MLLT10: variants seen among roughly 807,000 people sequenced by gnomAD.
MLLT10 encodes protein AF-10.
In MLLT10, 30 loss-of-function variants were observed where a neutral mutation model predicts 129.1. The ratio of observed to expected loss-of-function variants is 0.23; its 90% CI spans 0.17 to 0.32. MLLT10 has a LOEUF of 0.32. MLLT10 is among the 10% of genes least tolerant of loss of function. The pLI is 1.00. For missense variants in MLLT10, 1,119 were observed against 1,268.3 expected, an observed-to-expected ratio of 0.88 and a Z score of 1.79; for synonymous variants, 490 against 446.4, an observed-to-expected ratio of 1.10 and a Z score of -1.23.
intron 3 of MLLT10, chr10:21,557,747 C>CATG (rs1457511547): frequency 6.6e-6 from 1 of 151,988 alleles, no homozygotes; most frequent in African/African-American, 2.4e-5. Flanking sequence ...GGATCATGTG[C>CATG]CCATCATCTC....
intron 13 of MLLT10, among the ~76,000 whole-genome samples, chr10:21,704,357 C>CTCTCTA (rs1343170893): frequency 5.9e-4 from 66 of 111,862 alleles, no homozygotes; most frequent in African/African-American, 1.6e-3. Flanking sequence ...CTCTCTCTCT[C>CTCTCTA]TATATATATA....
At chr10:21,608,710 C>A (rs2044303144) in intron 5 of MLLT10, among the ~76,000 whole-genome samples, 1 of 151,920 alleles carries the variant, frequency 6.6e-6, no homozygotes, top group Admixed American at 6.6e-5. Flanking sequence ...AAGGAAAAAA[C>A]CGTCCGTTAG....
chr10:21,666,037 C>T (rs900437158), intron 9 of MLLT10, among the ~76,000 whole-genome samples: 12 of 152,272 alleles, frequency 7.9e-5, no homozygotes, highest in Middle Eastern at 3.4e-3. Context: ...TTTGCTAATC[C>T]TTTTCTTTTT....
chr10:21,717,749 T>TTCCTCCTCCTCC (rs1173240690), intron 14 of MLLT10, among the ~76,000 whole-genome samples: 7 of 75,752 alleles, frequency 9.2e-5, no homozygotes, highest in Non-Finnish European at 1.6e-4. Context: ...CCTCCTCCTC[T>TTCCTCCTCCTCC]TCCTCCTCCT....
chr10:21,621,725 G>A (rs2045883583), intron 8 of MLLT10, among the ~76,000 whole-genome samples: 1 of 151,086 alleles, frequency 6.6e-6, no homozygotes, highest in Admixed American at 6.6e-5. Context: ...TGGGCGTAAA[G>A]GAGAGACGAG....
At chr10:21,689,014 T>C (rs1294754752) in intron 13 of MLLT10, among the ~76,000 whole-genome samples, 2 of 152,158 alleles carry the variant, frequency 1.3e-5, no homozygotes, top group Non-Finnish European at 2.9e-5. Flanking sequence ...GTTAACCACT[T>C]GAAGTATGCA....
At chr10:21,622,049 G>A (rs1004364212) in intron 8 of MLLT10, among the ~76,000 whole-genome samples, 1 of 151,914 alleles carries the variant, frequency 6.6e-6, no homozygotes, top group Non-Finnish European at 1.5e-5. Context: ...ATTAGCACTG[G>A]TTAGGTACTA....
In MLLT10 at chr10:21,538,454, C is replaced by A. The variant is rs560166915; in HGVS notation, c.161-379C>A. 1.3e-4 allele frequency among the ~76,000 whole-genome samples: 19 copies of A among 151,998 alleles called. No individual in the cohort carries two copies. The South Asian group carries it at 3.9e-3, about 32-fold the overall frequency. On this transcript the variant is annotated intron_variant, in intron 2 of 22. Coordinates refer to ENST00000307729, the MANE Select transcript of MLLT10 (RefSeq NM_001195626.3). ...CTGGGATTATAGGTGTGAGCCACTG[C>A]GCCTGGCCTAATTAAAAAAAATTTT...
chr10:21,717,754 C>T (rs1431996043), intron 14 of MLLT10, among the ~76,000 whole-genome samples: 2 of 142,952 alleles, frequency 1.4e-5, no homozygotes, highest in Non-Finnish European at 3.1e-5. Flanking sequence ...TCCTCTTCCT[C>T]CTCCTCCTCC....
intron 13 of MLLT10, chr10:21,688,343 A>G (rs777329986): frequency 1.0e-4 from 67 of 660,238 alleles, no homozygotes; most frequent in Non-Finnish European, 1.6e-4. Context: ...TTTTAAATTT[A>G]CATAGGTTTC....
At chr10:21,714,782 T>G (rs1473746111) in intron 14 of MLLT10, among the ~76,000 whole-genome samples, 1 of 152,180 alleles carries the variant, frequency 6.6e-6, no homozygotes, top group Non-Finnish European at 1.5e-5. Flanking sequence ...TCTGCCTGCC[T>G]TGGCCTCCCA....
intron 18 of MLLT10, 120 bp from the exon 19 acceptor site, chr10:21,733,384 C>A: frequency 1.6e-6 from 1 of 621,256 alleles, no homozygotes; most frequent in Non-Finnish European, 2.6e-6. Flanking sequence ...AATAGCAAGA[C>A]TAGATATTTA....
chr10:21,587,774 T>G (rs569041093), intron 4 of MLLT10, among the ~76,000 whole-genome samples: 1 of 152,218 alleles, frequency 6.6e-6, no homozygotes, highest in Admixed American at 6.5e-5. Context: ...TTTTACAGTT[T>G]AATCTTCAGA....
chr10:21,658,677 G>C (rs149913568), intron 9 of MLLT10, among the ~76,000 whole-genome samples: 531 of 152,176 alleles, frequency 3.5e-3, no homozygotes, highest in Non-Finnish European at 5.7e-3. Flanking sequence ...TGCTTTTTTT[G>C]TATGTGTGAC....
At chr10:21,718,625 A>C (rs1302918438) in intron 14 of MLLT10, among the ~76,000 whole-genome samples, 2 of 152,262 alleles carry the variant, frequency 1.3e-5, no homozygotes, top group African/African-American at 4.8e-5. Context: ...ACTGTTAAAC[A>C]AAATGATGTA....
At chr10:21,580,030 T>C (rs1295482754) in intron 3 of MLLT10, among the ~76,000 whole-genome samples, 1 of 151,818 alleles carries the variant, frequency 6.6e-6, no homozygotes, top group Admixed American at 6.6e-5. Flanking sequence ...TGTTTTTTTT[T>C]TTTAATTTGA....
At chr10:21,700,132 A>C (rs539603331) in intron 13 of MLLT10, among the ~76,000 whole-genome samples, 2 of 146,630 alleles carry the variant, frequency 1.4e-5, no homozygotes, top group Admixed American at 6.8e-5. Context: ...TTTAAACACT[A>C]TAGTAAACAG....
At chr10:21,557,136 T>G in intron 3 of MLLT10, 1 of 1,376,754 alleles carries the variant, frequency 7.3e-7, no homozygotes, top group Admixed American at 3.4e-5. Flanking sequence ...CTTTTCCTCT[T>G]CGCTGTTAAA....
chr10:21,641,618 G>A (rs1236022689), intron 8 of MLLT10, among the ~76,000 whole-genome samples: 3 of 152,124 alleles, frequency 2.0e-5, no homozygotes, highest in East Asian at 1.9e-4. Flanking sequence ...TCATACCACT[G>A]CACTCCAGCC....
Sources: allele counts gnomAD v4.1 joint callset (sites outside exome capture counted in the v4.1 genomes callset), GRCh38; gene constraint gnomAD v4.1.1; transcripts MANE v1.5; gene names NCBI Gene and HGNC (gene_info 2026-07-23, HGNC 2026-07-21).